AHSA1: variants seen among roughly 807,000 people sequenced by gnomAD.
AHSA1 encodes the protein activator of 90 kDa heat shock protein ATPase homolog 1.
A neutral mutation model predicts 46.1 loss-of-function variants in AHSA1; 14 were observed. The observed-to-expected ratio is 0.30, with a 90% CI of 0.20 to 0.47. AHSA1 has a LOEUF of 0.47. Ranked by LOEUF, AHSA1 falls within the 20% of genes least tolerant of loss-of-function variation. The pLI is 0.99. For synonymous variants in AHSA1, 147 were observed against 145.8 expected (o/e 1.01, Z -0.06); for missense variants, 333 against 415.9 (o/e 0.80, Z 1.73).
chr14:77,469,315 C>G lies in AHSA1; in HGVS notation c.*66C>G. The G allele has an allele frequency of 1.3e-6, 2 of 1,565,070 alleles. No homozygotes were observed. The highest frequency in any genetic ancestry group is 1.7e-6 in the Non-Finnish European group (2 of 1,151,336). On this transcript the variant is annotated 3_prime_UTR_variant, in exon 9 of 9. Coordinates refer to ENST00000216479, the MANE Select transcript of AHSA1 (RefSeq NM_012111.3). Reference sequence around the variant, plus strand: ...CCAGCTCTCTCCTGACTGGGGCTTGCGACTCACAGGATTGCATCGTCCCAG... The same window carrying G: ...CCAGCTCTCTCCTGACTGGGGCTTGGGACTCACAGGATTGCATCGTCCCAG...
At chr14:77,462,426 A>C in intron 3 of AHSA1, 184 bp downstream of exon 3, 1 of 720,864 alleles carries the variant, frequency 1.4e-6, no homozygotes, top group Non-Finnish European at 2.3e-6. Context: ...CACTTCTTTA[A>C]TTTCTTCACT....
intron 1 of AHSA1, among the ~76,000 whole-genome samples, chr14:77,458,541 A>T (rs996573170): frequency 6.6e-6 from 1 of 152,246 alleles, no homozygotes; most frequent in Admixed American, 6.5e-5. Context: ...TGGCTGCTGC[A>T]TCCAGCCCGA....
rs1022572452 is a variant in AHSA1 at position 77,468,179 on chromosome 14, G to T, written c.787G>T (p.Asp263Tyr). The T allele has an allele frequency of 1.9e-6, 3 of 1,552,022 alleles. No homozygotes were observed. The highest frequency in any genetic ancestry group is 2.6e-6 in the Non-Finnish European group (3 of 1,145,762). ...VDGNVSGEFTDLVPEKHIVMK... is the reference protein window; with the variant it reads ...VDGNVSGEFTYLVPEKHIVMK... The stretch of plus-strand genomic sequence containing the variant: ...TGGCAACGTCTCTGGGGAATTTACT[G>T]ATCTGGTGAGTACCTGCCGGCCCTA... The change falls in exon 7 of 9, where the codon GAT (aspartate) becomes TAT (tyrosine). Residue 263 changes from aspartate (D) to tyrosine (Y), a missense_variant. Physicochemically the swap from Asp to Tyr is radical, Grantham distance 160. Transcript: ENST00000216479.
In AHSA1 at chr14:77,468,074, T is replaced by TTTTC. The variant is rs774233851; in HGVS notation, c.691-9_691-8insTTTC. The TTTTC allele has an allele frequency of 7.7e-7, 1 of 1,303,070 alleles. No individual in the cohort carries two copies. The highest frequency in any genetic ancestry group is 1.5e-5 in the South Asian group (1 of 66,944). The allele number at this position is 1,303,070 out of a possible 1,614,324, so 80.7% of individuals were successfully genotyped here. On this transcript the variant is annotated splice_polypyrimidine_tract_variant and intron_variant, in intron 6 of 8. Transcript: ENST00000216479. Reference sequence around the variant, plus strand: ...CTCTTTTTTTTTTTTTTTTTTTTTTTCCCTGCAGCTGGTGCAGGCCTTTAC... The same window carrying TTTTC: ...CTCTTTTTTTTTTTTTTTTTTTTTTTTTTCCCCTGCAGCTGGTGCAGGCCTTTAC...
intron 1 of AHSA1, 37 bp downstream of exon 1, chr14:77,458,306 T>C (rs1192246458): frequency 5.9e-6 from 9 of 1,535,046 alleles, no homozygotes; most frequent in Non-Finnish European, 7.9e-6. Flanking sequence ...TTGGGAGACC[T>C]GCGGCCGGGC....
chr14:77,465,772 CACA>C (rs2139942548), intron 6 of AHSA1, 105 bp downstream of exon 6: 1 of 1,181,738 alleles, frequency 8.5e-7, no homozygotes, highest in East Asian at 2.6e-5. Flanking sequence ...CTCACAAACT[CACA>C]ACTGGAGCCA....
chr14:77,469,261 G>C lies in AHSA1; in HGVS notation c.*12G>C. The C allele has an allele frequency of 2.5e-6, 4 of 1,612,822 alleles. No homozygotes were observed. Among genetic ancestry groups the C allele is most frequent in the Non-Finnish European group, 3.4e-6 (4 of 1,179,160 alleles). ...CACGCTTATTTTAGGGCCAGCGGCA[G>C]GGGACTCCAGCCTGCTGGACACTTC... On this transcript the variant is annotated 3_prime_UTR_variant, in exon 9 of 9. Coordinates refer to ENST00000216479, the MANE Select transcript of AHSA1 (RefSeq NM_012111.3).
At chr14:77,468,745 T>TTTTTA in intron 8 of AHSA1, 1 of 354,446 alleles carries the variant, frequency 2.8e-6, no homozygotes, top group Non-Finnish European at 4.8e-6. Flanking sequence ...TTTTTTTTTT[T>TTTTTA]ACTTTTTTAC....
chr14:77,468,092 G>C lies in AHSA1; in HGVS notation c.700G>C (p.Ala234Pro). 1 of 1,452,656 alleles carries C rather than the reference G, an allele frequency of 6.9e-7. No individual in the cohort carries two copies. The highest frequency in any genetic ancestry group is 9.3e-7 in the Non-Finnish European group (1 of 1,074,484). 90.0% of individuals were successfully genotyped at this position (1,452,656 alleles called of 1,614,324 possible). The change falls in exon 7 of 9, where the codon GCC (alanine) becomes CCC (proline). Residue 234 changes from alanine (A) to proline (P), a missense_variant. Ala to Pro is a conservative substitution (Grantham distance 27). Coordinates refer to ENST00000216479, the MANE Select transcript of AHSA1 (RefSeq NM_012111.3). ...RVFTTQELVQ[A>P]FTHAPATLEA... ...TTTTTTTTCCCTGCAGCTGGTGCAG[G>C]CCTTTACCCATGCTCCTGCAACATT...
chr14:77,462,648 G>T lies in AHSA1; in HGVS notation c.361G>T (p.Val121Leu). The T allele has an allele frequency of 6.2e-7, 1 of 1,614,144 alleles. No homozygotes were observed. Among genetic ancestry groups the T allele is most frequent in the Non-Finnish European group, 8.5e-7 (1 of 1,179,996 alleles). ...ENSVDEVEIS[V>L]SLAKDEPDTN... ...CTTCTCATCTTTCACCCAGATTAGT[G>T]TGAGCCTTGCCAAAGATGAGCCTGA... Residue 121 changes from valine (V) to leucine (L), a missense_variant, in exon 4 of 9, where the codon GTG (valine) becomes TTG (leucine). Val to Leu is a conservative substitution (Grantham distance 32, BLOSUM62 1). Transcript: ENST00000216479.
At chr14:77,464,783 AAGCC>A in intron 5 of AHSA1, 97 bp downstream of exon 5, 1 of 1,051,650 alleles carries the variant, frequency 9.5e-7, no homozygotes, top group East Asian at 2.5e-5. Flanking sequence ...CCTAACCTCT[AAGCC>A]AGACCAGCCT....
intron 8 of AHSA1, chr14:77,468,753 T>C (rs1042742649): frequency 2.8e-6 from 1 of 353,746 alleles, no homozygotes. Context: ...TTTACTTTTT[T>C]ACTTTTTTTG....
intron 6 of AHSA1, among the ~76,000 whole-genome samples, chr14:77,467,860 C>T (rs920197612): frequency 1.1e-4 from 16 of 152,020 alleles, no homozygotes; most frequent in Admixed American, 4.6e-4. Context: ...TAAAAGTAAA[C>T]GGGTCCAAAG....
upstream of AHSA1, chr14:77,458,044 G>A: frequency 1.6e-6 from 1 of 608,218 alleles, no homozygotes; most frequent in Non-Finnish European, 2.7e-6. Flanking sequence ...GTTAAGGAGG[G>A]GAGGGGGTGG....
chr14:77,464,165 T>A (rs1234639738), intron 4 of AHSA1, among the ~76,000 whole-genome samples: 2 of 152,150 alleles, frequency 1.3e-5, no homozygotes, highest in African/African-American at 4.8e-5. Flanking sequence ...GATCACAAGG[T>A]CAGGAGATCA....
At chr14:77,463,583 C>T (rs1402112243) in intron 4 of AHSA1, among the ~76,000 whole-genome samples, 3 of 80,856 alleles carry the variant, frequency 3.7e-5, no homozygotes, top group African/African-American at 7.7e-5. Flanking sequence ...GAGACTCCAT[C>T]TCAAAAAAAA....
At chr14:77,461,256 C>T (rs147027962) in intron 2 of AHSA1, among the ~76,000 whole-genome samples, 1,758 of 152,146 alleles carry the variant, frequency 0.012, 30 homozygotes, top group African/African-American at 0.04. Flanking sequence ...CAAAGCCAGG[C>T]GCGGCGGCTC....
intron 1 of AHSA1, 37 bp from the exon 2 acceptor site, chr14:77,459,579 T>C: frequency 6.2e-7 from 1 of 1,608,716 alleles, no homozygotes; most frequent in Non-Finnish European, 8.5e-7. Context: ...TATCCTCCGT[T>C]TGACTGCTGG....
At chr14:77,462,556 G>A in intron 3 of AHSA1, 86 bp from the exon 4 acceptor site, 1 of 1,215,172 alleles carries the variant, frequency 8.2e-7, no homozygotes, top group Non-Finnish European at 1.2e-6. Context: ...GGAAATGTCA[G>A]CAGTCACCTG....
Sources: allele counts gnomAD v4.1 joint callset (sites outside exome capture counted in the v4.1 genomes callset), GRCh38; gene constraint gnomAD v4.1.1; transcripts MANE v1.5; gene names NCBI Gene and HGNC (gene_info 2026-07-23, HGNC 2026-07-21).